The following DLC1 variants were observed in gnomAD, a reference collection of about 807,000 sequenced individuals.
DLC1 encodes rho GTPase-activating protein 7.
A neutral mutation model predicts 140.3 loss-of-function variants in DLC1; 54 were observed. The ratio of observed to expected loss-of-function variants is 0.38; its 90% confidence interval spans 0.31 to 0.48. The LOEUF (loss-of-function observed/expected upper bound fraction) is 0.48, where lower values mean the gene tolerates loss of function less well. Ranked by LOEUF, DLC1 falls within the 20% of genes least tolerant of loss-of-function variation. DLC1 has a pLI of 0.96. For synonymous variants in DLC1, 986 were observed against 728.1 expected (o/e 1.35, Z -5.70); for missense variants, 2,536 against 1,907.0 (o/e 1.33, Z -6.14).
At chr8:13,386,117 T>C (rs990734645) in intron 4 of DLC1, among the ~76,000 whole-genome samples, 38 of 152,200 alleles carry the variant, frequency 2.5e-4, no homozygotes, top group African/African-American at 8.9e-4. Context: ...GAAGTCACAT[T>C]GGTCCACGGA....
At chr8:13,426,610 A>G (rs1838592854) in intron 2 of DLC1, among the ~76,000 whole-genome samples, 2 of 152,188 alleles carry the variant, frequency 1.3e-5, no homozygotes, top group Non-Finnish European at 2.9e-5. Flanking sequence ...AATTGACACC[A>G]TCAAAAGTGT....
intron 4 of DLC1, among the ~76,000 whole-genome samples, chr8:13,390,133 C>T (rs1836685739): frequency 6.6e-6 from 1 of 152,066 alleles, no homozygotes; most frequent in African/African-American, 2.4e-5. Context: ...TAAAATTGAT[C>T]CATGGCCCAA....
At chr8:13,257,405 G>A (rs1490135678) in intron 5 of DLC1, among the ~76,000 whole-genome samples, 1 of 139,120 alleles carries the variant, frequency 7.2e-6, no homozygotes, top group East Asian at 2.2e-4. Context: ...CCACTGCACA[G>A]TAGCCTGGGT....
intron 16 of DLC1, 102 bp from the exon 17 acceptor site, chr8:13,086,565 G>T (rs1041250359): frequency 3.7e-6 from 5 of 1,361,048 alleles, no homozygotes; most frequent in Non-Finnish European, 4.0e-6. Flanking sequence ...GACGGGTCAG[G>T]CTCAGTGGCC....
At chr8:13,188,801 G>GTGTGTATATATATATA (rs1293675412) in intron 5 of DLC1, among the ~76,000 whole-genome samples, 1 of 71,884 alleles carries the variant, frequency 1.4e-5, no homozygotes, top group Non-Finnish European at 2.4e-5. Context: ...GTGTGTGTGT[G>GTGTGTATATATATATA]TATATATATA....
intron 2 of DLC1, among the ~76,000 whole-genome samples, chr8:13,426,238 A>T (rs997675169): frequency 1.3e-5 from 2 of 152,198 alleles, no homozygotes; most frequent in Non-Finnish European, 2.9e-5. Flanking sequence ...TAGGGAAATT[A>T]TAGTCATTAT....
intron 17 of DLC1, 93 bp from the exon 18 acceptor site, chr8:13,086,024 T>TA (rs1788050047): frequency 6.5e-7 from 1 of 1,534,144 alleles, no homozygotes. Flanking sequence ...TTCAAATGCA[T>TA]AAAATCTATC....
At chr8:13,510,685 C>T (rs1802318556) in intron 1 of DLC1, among the ~76,000 whole-genome samples, 1 of 152,096 alleles carries the variant, frequency 6.6e-6, no homozygotes, top group African/African-American at 2.4e-5. Flanking sequence ...TTTCGGTACA[C>T]CACCCCATTT....
intron 2 of DLC1, among the ~76,000 whole-genome samples, chr8:13,451,031 C>T (rs1422122372): frequency 2.3e-5 from 1 of 43,146 alleles, no homozygotes; most frequent in Non-Finnish European, 5.0e-5. Context: ...GAGTGAGACT[C>T]CGTCTCAAAA....
rs540899620 is a variant in DLC1 at position 13,412,895 on chromosome 8, G to A, written c.1024-11276C>T. ...TGCAGTAAGCTGAGATCGTGCCACT[G>A]CACTCCAGTCTGGGCGACAGAGCGA... On this transcript the variant is annotated intron_variant, in intron 2 of 17. Transcript: ENST00000276297. Among the ~76,000 whole-genome samples the A allele has an allele frequency of 4.4e-5, 6 of 135,700 alleles. No individual in the cohort carries two copies. The South Asian group carries it at 7.0e-4, about 16-fold the overall frequency. The allele number at this position is 135,700 out of a possible 152,430, so 89.0% of individuals were successfully genotyped here. A position where few individuals can be genotyped will look rare whatever the true frequency, so the allele number is the denominator to read the frequency against.
intron 4 of DLC1, among the ~76,000 whole-genome samples, chr8:13,357,859 A>T (rs1408739105): frequency 6.6e-6 from 1 of 152,148 alleles, no homozygotes; most frequent in African/African-American, 2.4e-5. Context: ...CAGTTTTCTG[A>T]ACATGTAAAA....
intron 2 of DLC1, among the ~76,000 whole-genome samples, chr8:13,456,697 G>A (rs1429373827): frequency 6.6e-6 from 1 of 152,132 alleles, no homozygotes; most frequent in Non-Finnish European, 1.5e-5. Context: ...GACTTCAAAT[G>A]ATCCACCTGC....
chr8:13,213,787 GTT>G (rs1335702480), intron 5 of DLC1, among the ~76,000 whole-genome samples: 10 of 143,204 alleles, frequency 7.0e-5, no homozygotes, highest in Admixed American at 2.1e-4. Context: ...GTTTGTTTCC[GTT>G]TTTTTTTTTT....
intron 1 of DLC1, among the ~76,000 whole-genome samples, chr8:13,539,104 G>T (rs1029189804): frequency 1.3e-5 from 2 of 151,710 alleles, no homozygotes; most frequent in Admixed American, 6.6e-5. Context: ...TATCACATTT[G>T]GTCATAATCA....
chr8:13,499,859 T>C lies in DLC1; in HGVS notation c.213A>G (p.Arg71=), dbSNP rs1801713938. ...LPDCCHGSEL[R]DFPGRPMGHL... ...GACCCATTGGCCTCCCAGGAAAATC[T>C]CTCAGCTCTGATCCATGACAGCAGT... The change falls in exon 2 of 18, where the codon AGA becomes AGG. Residue 71 remains arginine, a synonymous_variant. Coordinates refer to ENST00000276297, the MANE Select transcript of DLC1 (RefSeq NM_182643.3). 1 of 1,614,090 alleles carries C rather than the reference T, an allele frequency of 6.2e-7. No individual in the cohort carries two copies. Among genetic ancestry groups the C allele is most frequent in the Non-Finnish European group, 8.5e-7 (1 of 1,180,002 alleles).
At chr8:13,434,277 A>T (rs185245932) in intron 2 of DLC1, among the ~76,000 whole-genome samples, 1 of 152,356 alleles carries the variant, frequency 6.6e-6, no homozygotes, top group East Asian at 1.9e-4. Flanking sequence ...GGTGAGATGG[A>T]ACAGTGAGTT....
chr8:13,320,802 G>A (rs1384989521), intron 4 of DLC1, among the ~76,000 whole-genome samples: 3 of 152,120 alleles, frequency 2.0e-5, no homozygotes, highest in Non-Finnish European at 2.9e-5. Flanking sequence ...ATTGCTTGAG[G>A]CCAAGAGTTC....
intron 1 of DLC1, among the ~76,000 whole-genome samples, chr8:13,561,318 C>A (rs1804235404): frequency 6.6e-6 from 1 of 152,016 alleles, no homozygotes; most frequent in Non-Finnish European, 1.5e-5. Context: ...CCTGGTGCAA[C>A]TGCAGCCACA....
At chr8:13,182,937 C>A (rs1298677357) in intron 5 of DLC1, among the ~76,000 whole-genome samples, 1 of 152,118 alleles carries the variant, frequency 6.6e-6, no homozygotes, top group Non-Finnish European at 1.5e-5. Context: ...GATATTGATT[C>A]TTCCTATCCA....
Sources: allele counts gnomAD v4.1 joint callset (sites outside exome capture counted in the v4.1 genomes callset), GRCh38; gene constraint gnomAD v4.1.1; transcripts MANE v1.5; gene names NCBI Gene and HGNC (gene_info 2026-07-23, HGNC 2026-07-21).